SDHAF4: variants seen among roughly 807,000 people sequenced by gnomAD.
SDHAF4 encodes the protein succinate dehydrogenase assembly factor 4, mitochondrial.
In SDHAF4, 14 loss-of-function variants were observed where a neutral mutation model predicts 14.3. The observed-to-expected ratio is 0.98, with a 90% CI of 0.65 to 1.53. SDHAF4 has a LOEUF of 1.53. SDHAF4 is among the 40% of genes most tolerant of loss of function. The pLI is 0.00. For missense variants in SDHAF4, 141 were observed against 129.3 expected, an observed-to-expected ratio of 1.09 and a Z score of -0.44; for synonymous variants, 63 against 47.3, an observed-to-expected ratio of 1.33 and a Z score of -1.36.
chr6:70,588,559 C>T, intron 2 of SDHAF4, 56 bp from the exon 3 acceptor site: 1 of 783,332 alleles, frequency 1.3e-6, no homozygotes, highest in Non-Finnish European at 2.1e-6. Flanking sequence ...ATTAAATTGA[C>T]TATAAGGCCT....
At chr6:70,571,556 G>A (rs1802178230) in intron 1 of SDHAF4, among the ~76,000 whole-genome samples, 1 of 152,102 alleles carries the variant, frequency 6.6e-6, no homozygotes, top group African/African-American at 2.4e-5. Flanking sequence ...CTCGTGATAT[G>A]CCTGCCTTGG....
chr6:70,580,731 G>C (rs1340472924), intron 2 of SDHAF4, among the ~76,000 whole-genome samples: 4 of 152,090 alleles, frequency 2.6e-5, no homozygotes, highest in Non-Finnish European at 5.9e-5. Flanking sequence ...ACCCAGAAGG[G>C]CAAATATATG....
chr6:70,576,313 T>C (rs1475932290), intron 1 of SDHAF4, among the ~76,000 whole-genome samples: 1 of 152,182 alleles, frequency 6.6e-6, no homozygotes, highest in Admixed American at 6.5e-5. Context: ...GGCCTCAGAG[T>C]CCCTTGAGAA....
At chr6:70,569,523 C>T (rs1461953630) in intron 1 of SDHAF4, among the ~76,000 whole-genome samples, 2 of 152,210 alleles carry the variant, frequency 1.3e-5, no homozygotes, top group African/African-American at 2.4e-5. Flanking sequence ...GGATTACAGG[C>T]GTGAGCTGCC....
At position 70,587,256 on chromosome 6, in the gene SDHAF4, A is replaced by G. The variant is rs187878669; in HGVS notation, c.218-1359A>G. Among the ~76,000 whole-genome samples the G allele has an allele frequency of 2.5e-3, 374 of 151,594 alleles. 8 individuals carry two copies. Among genetic ancestry groups the G allele is most frequent in the Admixed American group, 0.022 (339 of 15,212 alleles). On this transcript the variant is annotated intron_variant, in intron 2 of 2. Transcript: ENST00000370474. ...TGTAATCCCAGCACTTTGGGAGGCC[A>G]AGGTGGGTGGATCATTTGGGGTCAG...
At chr6:70,572,058 CTTTTTTTTTT>C (rs66688860) in intron 1 of SDHAF4, among the ~76,000 whole-genome samples, 10 of 53,508 alleles carry the variant, frequency 1.9e-4, no homozygotes, top group South Asian at 8.4e-4. Flanking sequence ...CTTTTTTTGT[CTTTTTTTTTT>C]TTTTTTTTTT....
intron 2 of SDHAF4, among the ~76,000 whole-genome samples, chr6:70,583,816 G>C (rs1765168668): frequency 6.6e-6 from 1 of 152,178 alleles, no homozygotes; most frequent in Admixed American, 6.5e-5. Flanking sequence ...AGACAGGCTT[G>C]GATTAATTGA....
Position 70,566,997 on chromosome 6 carries a change from A to G in SDHAF4, c.57A>G (p.Arg19=). The change falls in exon 1 of 3, where the codon AGA becomes AGG. Residue 19 remains arginine (R), a synonymous_variant. Transcript: ENST00000370474. ...GCTGGGTCTCGGCCACGGCGTGGAG[A>G]GCGGCAAGTAAGCACCTGGCCTCGG... ...LLSWVSATAW[R]AARSPLLCHS... 1.3e-6 allele frequency: 2 copies of G among 1,588,378 alleles called. No homozygotes were observed. Among genetic ancestry groups the G allele is most frequent in the Non-Finnish European group, 1.7e-6 (2 of 1,167,520 alleles).
chr6:70,578,090 A>G (rs1209430765), intron 1 of SDHAF4, among the ~76,000 whole-genome samples: 2 of 152,216 alleles, frequency 1.3e-5, no homozygotes, highest in African/African-American at 4.8e-5. Flanking sequence ...GGTATATACC[A>G]GTAACAGGAT....
At chr6:70,592,262 C>T (rs191139842), downstream of SDHAF4, among the ~76,000 whole-genome samples, 16 of 152,188 alleles carry the variant, frequency 1.1e-4, no homozygotes, top group Middle Eastern at 3.4e-3. Context: ...ATGTGGAAGC[C>T]GCATGGGAAC....
At chr6:70,582,030 C>G (rs1002106653) in intron 2 of SDHAF4, among the ~76,000 whole-genome samples, 6 of 152,224 alleles carry the variant, frequency 3.9e-5, no homozygotes, top group Admixed American at 3.9e-4. Context: ...TCTTAGCCCC[C>G]TAAGTATTCC....
rs111641903 is a variant in SDHAF4, at chr6:70,572,623, ATTATC to A, written c.64+5624_64+5628del. ...TTATGTTTTTATTCATTTTTTTCTT[ATTATC>A]TTATTTTTCCATTTTCCGTGGTTTT... On this transcript the variant is annotated intron_variant, in intron 1 of 2. Coordinates refer to ENST00000370474, the MANE Select transcript of SDHAF4 (RefSeq NM_145267.3). Among the ~76,000 whole-genome samples, 655 of 151,652 alleles carry A rather than the reference ATTATC, an allele frequency of 4.3e-3. 4 individuals are homozygous for A. The highest frequency in any genetic ancestry group is 0.015 in the African/African-American group (618 of 41,342).
At chr6:70,587,195 CA>C (rs1301453481) in intron 2 of SDHAF4, among the ~76,000 whole-genome samples, 1 of 149,002 alleles carries the variant, frequency 6.7e-6, no homozygotes, top group Non-Finnish European at 1.5e-5. Context: ...CACACACACA[CA>C]CAAGAATTAG....
In SDHAF4 at chr6:70,577,184, G is replaced by T. The variant is rs543661429; in HGVS notation, c.65-2230G>T. 2.0e-5 allele frequency among the ~76,000 whole-genome samples: 3 copies of T among 152,136 alleles called. No homozygotes were observed. The South Asian group carries it at 6.2e-4, about 32-fold the overall frequency. Reference sequence around the variant, plus strand: ...TACATTGACCCACCCCATAATCCTGGATAACCTCCCTATTTTAAGGTCATC... The same window carrying T: ...TACATTGACCCACCCCATAATCCTGTATAACCTCCCTATTTTAAGGTCATC... On this transcript the variant is annotated intron_variant, in intron 1 of 2. Coordinates refer to ENST00000370474, the MANE Select transcript of SDHAF4 (RefSeq NM_145267.3).
downstream of SDHAF4, among the ~76,000 whole-genome samples, chr6:70,594,501 C>T (rs1401667621): frequency 6.6e-6 from 1 of 152,056 alleles, no homozygotes; most frequent in African/African-American, 2.4e-5. Flanking sequence ...CTTTTCATAC[C>T]CTGTGATGCC....
At chr6:70,586,428 C>CTTTTTTT (rs70990316) in intron 2 of SDHAF4, among the ~76,000 whole-genome samples, 4 of 80,304 alleles carry the variant, frequency 5.0e-5, no homozygotes, top group Non-Finnish European at 9.8e-5. Flanking sequence ...ATTTGTTTGC[C>CTTTTTTT]TTTTTTTTTT....
rs142771861 is a variant in SDHAF4 at position 70,581,211 on chromosome 6, T to G, written c.217+1645T>G. Among the ~76,000 whole-genome samples, 534 of 152,178 alleles carry G rather than the reference T, an allele frequency of 3.5e-3. 4 individuals are homozygous for G. The highest frequency in any genetic ancestry group is 6.8e-3 in the Middle Eastern group (2 of 294). On this transcript the variant is annotated intron_variant, in intron 2 of 2. Transcript: ENST00000370474. ...TCCCAAAGTGCTGGGATTACAGGCG[T>G]GAGCCACTGTGTCTGGCAGTGAATG...
chr6:70,587,168 TCACACACACACACACA>T (rs56012930), intron 2 of SDHAF4, among the ~76,000 whole-genome samples: 9 of 135,446 alleles, frequency 6.6e-5, no homozygotes, highest in Non-Finnish European at 1.1e-4. Context: ...TGAAACTCCA[TCACACACACACACACA>T]CACACACACA....
At chr6:70,591,318 C>T (rs1024628130), downstream of SDHAF4, among the ~76,000 whole-genome samples, 36 of 141,092 alleles carry the variant, frequency 2.6e-4, no homozygotes, top group African/African-American at 7.1e-4. Context: ...AGTCTCTAGG[C>T]GTTGTGAGAG....
Sources: gnomAD v4.1 joint callset for allele counts (sites outside exome capture counted in the v4.1 genomes callset) on GRCh38, gnomAD v4.1.1 for gene constraint, MANE v1.5 for transcripts, NCBI Gene and HGNC (gene_info 2026-07-23, HGNC 2026-07-21) for gene names.